Variants in SLCO3A1 observed in about 807,000 individuals in gnomAD.
SLCO3A1 encodes PGE1 transporter.
Under a neutral mutation model 63.1 loss-of-function variants are expected in SLCO3A1, and 27 were observed. The observed-to-expected ratio is 0.43, with a 90% CI of 0.32 to 0.59. SLCO3A1 has a LOEUF of 0.59. Among genes scored for constraint, SLCO3A1 ranks in the 20% least tolerant of loss-of-function variants. The pLI, the probability that SLCO3A1 is intolerant of heterozygous loss-of-function variation, is 0.09. For synonymous variants in SLCO3A1, 473 were observed against 409.9 expected (o/e 1.15, Z -1.86); for missense variants, 773 against 945.8 (o/e 0.82, Z 2.40).
At chr15:92,010,954 A>G (rs956658989) in intron 2 of SLCO3A1, among the ~76,000 whole-genome samples, 2 of 152,232 alleles carry the variant, frequency 1.3e-5, no homozygotes. Flanking sequence ...TCTTCACAGT[A>G]GCCATCTAAA....
chr15:92,034,874 G>C (rs1011590976), intron 2 of SLCO3A1, among the ~76,000 whole-genome samples: 1 of 151,924 alleles, frequency 6.6e-6, no homozygotes, highest in Non-Finnish European at 1.5e-5. Flanking sequence ...AGTACTGATA[G>C]CTCTAACTGT....
Position 92,120,599 on chromosome 15 carries a change from C to G in SLCO3A1, c.1144C>G (p.Leu382Val), listed in dbSNP as rs1567130651. Reference sequence around the variant, plus strand: ...GAAGTACCTGGAGCAGCAGTTTAACCTCACCACCTCTTCTGCCAACCAGCT... The same window carrying G: ...GAAGTACCTGGAGCAGCAGTTTAACGTCACCACCTCTTCTGCCAACCAGCT... ...LGKYLEQQFN[L>V]TTSSANQLLG... Residue 382 changes from leucine to valine, a missense_variant, in exon 5 of 10, where the codon CTC becomes GTC. Physicochemically the swap from Leu to Val is conservative, Grantham distance 32. This residue lies in a region of SLCO3A1 where 565 missense variants were observed against 749.8 expected (regional missense o/e 0.75). Transcript: ENST00000318445. 1 of 1,613,884 alleles carries G rather than the reference C, an allele frequency of 6.2e-7. No homozygotes were observed. The highest frequency in any genetic ancestry group is 8.5e-7 in the Non-Finnish European group (1 of 1,179,970).
At chr15:91,905,243 A>G (rs1481592312) in intron 1 of SLCO3A1, among the ~76,000 whole-genome samples, 1 of 152,216 alleles carries the variant, frequency 6.6e-6, no homozygotes, top group Non-Finnish European at 1.5e-5. Flanking sequence ...CTAGACCTTA[A>G]TTTTAAAAAT....
chr15:91,881,006 C>T (rs894547682), intron 1 of SLCO3A1, among the ~76,000 whole-genome samples: 1 of 152,176 alleles, frequency 6.6e-6, no homozygotes, highest in Admixed American at 6.5e-5. Flanking sequence ...CGATATGTCT[C>T]CTTTCAAAAT....
intron 2 of SLCO3A1, among the ~76,000 whole-genome samples, chr15:92,077,579 C>T (rs1056315245): frequency 6.6e-6 from 1 of 152,178 alleles, no homozygotes; most frequent in Non-Finnish European, 1.5e-5. Flanking sequence ...GCCTTTGCCG[C>T]CATTTCCACT....
In SLCO3A1 at chr15:91,915,986, C is replaced by T. The variant is rs759940637; in HGVS notation, c.181-7C>T. 14 of 1,607,680 alleles carry T rather than the reference C, an allele frequency of 8.7e-6. No homozygotes were observed. The African/African-American group carries it at 1.3e-4, about 15-fold the overall frequency. On this transcript the variant is annotated splice_polypyrimidine_tract_variant and splice_region_variant and intron_variant, in intron 1 of 9. Transcript: ENST00000318445. ...TTGGCTCTGACCTTTCTTCTTGCCC[C>T]CCTCAGGTGAGCGTCCTGACCACCC... is the stretch of plus-strand genomic sequence containing the variant.
At chr15:91,873,541 C>T (rs28739420) in intron 1 of SLCO3A1, among the ~76,000 whole-genome samples, 7,790 of 144,506 alleles carry the variant, frequency 0.054, 666 homozygotes, top group African/African-American at 0.21. Flanking sequence ...TACACACACA[C>T]ACACACACAC....
chr15:91,921,198 C>T (rs1316364172), intron 2 of SLCO3A1, among the ~76,000 whole-genome samples: 1 of 152,222 alleles, frequency 6.6e-6, no homozygotes, highest in Non-Finnish European at 1.5e-5. Context: ...CCTGTGTCCT[C>T]ACGTGGTCTT....
rs1333425776 is a variant in SLCO3A1, at chr15:91,885,638, G to C, written c.181-30355G>C. On this transcript the variant is annotated intron_variant, in intron 1 of 9. Transcript: ENST00000318445. This position sits in a 1 kb window ranked among gnomAD's most constrained non-coding sequence, Gnocchi z 4.7. ...CCTTAAACTGATGGCCCTTGAACAA[G>C]TGCATCATTCTCTGTCCTTGATTTC... Among the ~76,000 whole-genome samples the C allele has an allele frequency of 6.6e-6, 1 of 152,222 alleles. No homozygotes were observed. The highest frequency in any genetic ancestry group is 1.5e-5 in the Non-Finnish European group (1 of 68,042).
chr15:91,999,692 C>G (rs769527702), intron 2 of SLCO3A1, among the ~76,000 whole-genome samples: 2 of 152,050 alleles, frequency 1.3e-5, no homozygotes, highest in East Asian at 3.9e-4. Flanking sequence ...CTCGGGAGGC[C>G]GAGGCAGGAG....
At chr15:92,139,617 T>C (rs2048102887) in intron 7 of SLCO3A1, among the ~76,000 whole-genome samples, 1 of 152,202 alleles carries the variant, frequency 6.6e-6, no homozygotes, top group South Asian at 2.1e-4. Flanking sequence ...GGACTCTTTT[T>C]GGTTGGTAAA....
chr15:92,119,114 G>T lies in SLCO3A1; in HGVS notation c.1010-1351G>T, dbSNP rs115262418. Among the ~76,000 whole-genome samples, 482 of 152,242 alleles carry T rather than the reference G, an allele frequency of 3.2e-3. 4 individuals are homozygous for T. The highest frequency in any genetic ancestry group is 0.011 in the African/African-American group (467 of 41,542). On this transcript the variant is annotated intron_variant, in intron 4 of 9. Coordinates refer to ENST00000318445, the MANE Select transcript of SLCO3A1 (RefSeq NM_013272.4). ...ATTGAAATGACAGGGTTGTCCTGGTGCCCCAGAGCTCTCTTGTACACTGCC... is the reference window on the plus strand; with the variant it reads ...ATTGAAATGACAGGGTTGTCCTGGTTCCCCAGAGCTCTCTTGTACACTGCC...
At chr15:92,037,436 C>T (rs2046742156) in intron 2 of SLCO3A1, among the ~76,000 whole-genome samples, 1 of 152,166 alleles carries the variant, frequency 6.6e-6, no homozygotes, top group South Asian at 2.1e-4. Flanking sequence ...TAAATCTAGG[C>T]TTCTTTTAAT....
intron 2 of SLCO3A1, among the ~76,000 whole-genome samples, chr15:91,981,457 T>C (rs2045984515): frequency 6.6e-6 from 1 of 152,062 alleles, no homozygotes; most frequent in African/African-American, 2.4e-5. Flanking sequence ...AGCTTGACAT[T>C]CCCCCAAAAT....
Position 92,036,209 on chromosome 15 carries a change from A to G in SLCO3A1, c.647-58672A>G, listed in dbSNP as rs575232569. ...GAAACCCAAAGTGGATCTTGCCTGG[A>G]GCACATTCTTTTCTGATTTTTAAAG... On this transcript the variant is annotated intron_variant, in intron 2 of 9. Transcript: ENST00000318445. 9.6e-4 allele frequency among the ~76,000 whole-genome samples: 146 copies of G among 152,280 alleles called. 1 individual carries two copies. The highest frequency in any genetic ancestry group is 1.5e-3 in the Non-Finnish European group (105 of 68,024).
intron 2 of SLCO3A1, among the ~76,000 whole-genome samples, chr15:92,044,201 A>T (rs746785145): frequency 6.6e-6 from 1 of 152,048 alleles, no homozygotes; most frequent in Non-Finnish European, 1.5e-5. Flanking sequence ...AAGGAGGGCA[A>T]GTCTGGCTTC....
intron 2 of SLCO3A1, among the ~76,000 whole-genome samples, chr15:92,036,651 T>G (rs939087650): frequency 1.1e-4 from 16 of 152,182 alleles, no homozygotes; most frequent in African/African-American, 3.9e-4. Context: ...GCTATCCAAT[T>G]AAATTTGCCT....
intron 9 of SLCO3A1, among the ~76,000 whole-genome samples, chr15:92,154,033 C>T (rs2048340903): frequency 6.6e-6 from 1 of 152,144 alleles, no homozygotes; most frequent in South Asian, 2.1e-4. Context: ...CAGAGAGTGA[C>T]AAGATCCACT....
intron 2 of SLCO3A1, among the ~76,000 whole-genome samples, chr15:91,949,359 G>C (rs1334296923): frequency 6.6e-6 from 1 of 152,192 alleles, no homozygotes; most frequent in Non-Finnish European, 1.5e-5. Flanking sequence ...AGGAGTAAAA[G>C]AGTAACTATA....
Sources: allele counts gnomAD v4.1 joint callset (sites outside exome capture counted in the v4.1 genomes callset), GRCh38; gene constraint gnomAD v4.1.1; regional missense constraint gnomAD v4.1.1; non-coding constraint Gnocchi (gnomAD v3.1); transcripts MANE v1.5; gene names NCBI Gene and HGNC (gene_info 2026-07-23, HGNC 2026-07-21).